NLGN1: variants seen among roughly 807,000 people sequenced by gnomAD.
NLGN1 encodes neuroligin-1.
In NLGN1, 12 loss-of-function variants were observed where a neutral mutation model predicts 65.5. The observed-to-expected ratio is 0.18, with a 90% CI of 0.12 to 0.30. NLGN1 has a LOEUF of 0.30. Among genes scored for constraint, NLGN1 ranks in the 10% least tolerant of loss-of-function variants. The probability of loss-of-function intolerance (pLI) is 1.00; values close to 1 mark genes in which losing one functional copy is unlikely to be tolerated. For missense variants in NLGN1, 750 were observed against 1,007.1 expected (o/e 0.74, Z 3.46); for synonymous variants, 350 against 359.5 (o/e 0.97, Z 0.30).
intron 4 of NLGN1, among the ~76,000 whole-genome samples, chr3:173,896,354 T>A (rs1487858562): frequency 1.3e-5 from 2 of 152,168 alleles, no homozygotes; most frequent in African/African-American, 2.4e-5. Context: ...GCTAGGAGAA[T>A]CCTGATAGTG....
chr3:174,194,862 C>CTTTTTTTTT (rs371935591), intron 4 of NLGN1, among the ~76,000 whole-genome samples: 12 of 127,638 alleles, frequency 9.4e-5, no homozygotes, highest in East Asian at 2.2e-4. Context: ...TTTCTTTTTT[C>CTTTTTTTTT]TTTTTTCTTT....
At chr3:173,927,265 T>C (rs1474568480) in intron 4 of NLGN1, among the ~76,000 whole-genome samples, 2 of 152,178 alleles carry the variant, frequency 1.3e-5, no homozygotes, top group Non-Finnish European at 2.9e-5. Flanking sequence ...GGTTTCACCA[T>C]GTTGGTCAGG....
intron 4 of NLGN1, among the ~76,000 whole-genome samples, chr3:173,911,041 T>G: frequency 6.6e-6 from 1 of 152,238 alleles, no homozygotes; most frequent in East Asian, 1.9e-4. Flanking sequence ...TTATGAATAT[T>G]ACTAAATGTA....
intron 4 of NLGN1, among the ~76,000 whole-genome samples, chr3:173,993,131 C>A (rs190797012): frequency 6.6e-6 from 1 of 151,996 alleles, no homozygotes; most frequent in South Asian, 2.1e-4. Context: ...TTTATGTCAC[C>A]GGGACACAGT....
chr3:174,266,065 CTTTTA>C (rs1163334342), intron 4 of NLGN1, among the ~76,000 whole-genome samples: 12 of 144,802 alleles, frequency 8.3e-5, no homozygotes, highest in East Asian at 8.1e-4. Flanking sequence ...TTCTTTCCAA[CTTTTA>C]TTTTAGGTGC....
At chr3:174,152,511 G>A (rs534339876) in intron 4 of NLGN1, among the ~76,000 whole-genome samples, 11 of 152,120 alleles carry the variant, frequency 7.2e-5, no homozygotes, top group South Asian at 2.1e-4. Context: ...TCAGGGGAGC[G>A]GGGAGGGATA....
chr3:174,073,018 G>C (rs1580141918), intron 4 of NLGN1, among the ~76,000 whole-genome samples: 1 of 152,098 alleles, frequency 6.6e-6, no homozygotes, highest in African/African-American at 2.4e-5. Context: ...ATTTTCTGGA[G>C]TGAAATTCCA....
At chr3:174,202,179 T>C (rs528556082) in intron 4 of NLGN1, among the ~76,000 whole-genome samples, 1 of 152,152 alleles carries the variant, frequency 6.6e-6, no homozygotes, top group African/African-American at 2.4e-5. Context: ...ACTTGAGGAA[T>C]TGGGAATAAA....
chr3:174,146,500 GA>G (rs1448462285), intron 4 of NLGN1, among the ~76,000 whole-genome samples: 1 of 151,030 alleles, frequency 6.6e-6, no homozygotes, highest in Non-Finnish European at 1.5e-5. Context: ...TAATTTTAAA[GA>G]AAAGCAAATT....
intron 3 of NLGN1, among the ~76,000 whole-genome samples, chr3:173,610,521 G>C (rs1752117784): frequency 6.6e-6 from 1 of 151,938 alleles, no homozygotes; most frequent in Admixed American, 6.6e-5. Flanking sequence ...AGAATAAAAG[G>C]AAGTGAATGA....
chr3:173,454,636 A>G (rs1324425226), intron 2 of NLGN1, among the ~76,000 whole-genome samples: 1 of 152,180 alleles, frequency 6.6e-6, no homozygotes, highest in African/African-American at 2.4e-5. Context: ...TCTTTTCTGT[A>G]GCTTCCTCAC....
chr3:173,479,856 A>G (rs547584093), intron 2 of NLGN1, among the ~76,000 whole-genome samples: 7 of 152,176 alleles, frequency 4.6e-5, no homozygotes, highest in Non-Finnish European at 8.8e-5. Flanking sequence ...TAAACACATA[A>G]CCATCTTTAT....
chr3:173,438,671 T>G (rs2148784115), intron 2 of NLGN1, among the ~76,000 whole-genome samples: 1 of 152,198 alleles, frequency 6.6e-6, no homozygotes, highest in East Asian at 1.9e-4. Flanking sequence ...TGCGGAAGAT[T>G]TAGGGATCAT....
chr3:173,891,292 C>A (rs1375451831), intron 4 of NLGN1, among the ~76,000 whole-genome samples: 2 of 152,070 alleles, frequency 1.3e-5, no homozygotes, highest in East Asian at 3.9e-4. Flanking sequence ...TCTCTCAGTT[C>A]CCAAGTGGAA....
chr3:173,895,139 C>T (rs1239767975), intron 4 of NLGN1, among the ~76,000 whole-genome samples: 1 of 152,052 alleles, frequency 6.6e-6, no homozygotes, highest in African/African-American at 2.4e-5. Flanking sequence ...GGAGAGTCCC[C>T]AGCTTCTAGA....
intron 4 of NLGN1, among the ~76,000 whole-genome samples, chr3:174,210,235 C>T (rs1736203032): frequency 6.6e-6 from 1 of 152,168 alleles, no homozygotes; most frequent in African/African-American, 2.4e-5. Flanking sequence ...CTTCATATCA[C>T]TTATCACTAT....
chr3:173,430,476 T>C (rs1716972538), intron 1 of NLGN1, among the ~76,000 whole-genome samples: 1 of 152,222 alleles, frequency 6.6e-6, no homozygotes, highest in Non-Finnish European at 1.5e-5. Context: ...AAGATGTATC[T>C]TTTGGAAAAA....
chr3:174,143,697 T>C (rs920507513), intron 4 of NLGN1, among the ~76,000 whole-genome samples: 1 of 152,294 alleles, frequency 6.6e-6, no homozygotes, highest in Admixed American at 6.5e-5. Context: ...ATAGTCTATG[T>C]ATAAAATTAC....
chr3:173,667,219 A>G (rs921643670), intron 3 of NLGN1, among the ~76,000 whole-genome samples: 1 of 146,224 alleles, frequency 6.8e-6, no homozygotes, highest in South Asian at 2.3e-4. Flanking sequence ...AAACATTGCC[A>G]TAATGAAACA....
Sources: allele counts gnomAD v4.1 joint callset (sites outside exome capture counted in the v4.1 genomes callset), GRCh38; gene constraint gnomAD v4.1.1; transcripts MANE v1.5; gene names NCBI Gene and HGNC (gene_info 2026-07-23, HGNC 2026-07-21).